Variants in TNFRSF18 observed in about 807,000 individuals in gnomAD.
The protein encoded by TNFRSF18 is tumor necrosis factor receptor superfamily member 18.
Under a neutral mutation model 30.2 loss-of-function variants are expected in TNFRSF18, and 36 were observed. That is an observed-to-expected ratio of 1.19 (90% CI 0.91 to 1.58). The LOEUF is 1.58. Among genes scored for constraint, TNFRSF18 ranks in the 40% most tolerant of loss-of-function variants. The pLI, the probability that TNFRSF18 is intolerant of heterozygous loss-of-function variation, is 0.00. For missense variants in TNFRSF18, 369 were observed against 345.4 expected (o/e 1.07, Z -0.54); for synonymous variants, 173 against 158.3 (o/e 1.09, Z -0.70).
Position 1,205,437 on chromosome 1 carries a change from G to A in TNFRSF18, c.243C>T (p.Cys81=), listed in dbSNP as rs377746476. The change falls in exon 2 of 5, where the codon TGC becomes TGT. Residue 81 remains cysteine, a synonymous_variant. Transcript: ENST00000379268. Reference sequence around the variant, plus strand: ...GGCAGGTCGTGCAGCAAGGGTCTCCGCAGTGGAATTCAGGCTGGACACACA... The same window carrying A: ...GGCAGGTCGTGCAGCAAGGGTCTCCACAGTGGAATTCAGGCTGGACACACA... The part of the protein sequence containing the change: ...DCMCVQPEFH[C]GDPCCTTCRH... 1.3e-5 allele frequency: 21 copies of A among 1,612,616 alleles called. 1 individual carries two copies. The highest frequency in any genetic ancestry group is 3.3e-4 in the Middle Eastern group (2 of 6,060).
At position 1,204,496 on chromosome 1, in the gene TNFRSF18, G is replaced by T; in HGVS notation, c.311-10C>A. 6.3e-7 allele frequency: 1 copy of T among 1,598,560 alleles called. No homozygotes were observed. Among genetic ancestry groups the T allele is most frequent in the Non-Finnish European group, 8.6e-7 (1 of 1,167,224 alleles). On this transcript the variant is annotated splice_polypyrimidine_tract_variant and intron_variant, in intron 2 of 4. Coordinates refer to ENST00000379268, the MANE Select transcript of TNFRSF18 (RefSeq NM_004195.3). ...CCAAAACTGAATTTCCCTGGTGTGG[G>T]GTGTGGGGGGAGGGAGGGAGGGAGG...
chr1:1,204,999 G>A (rs889819340), intron 2 of TNFRSF18, among the ~76,000 whole-genome samples: 1 of 152,184 alleles, frequency 6.6e-6, no homozygotes, highest in African/African-American at 2.4e-5. Context: ...AGAACAGGGT[G>A]CAGCCCCAGG....
Position 1,203,925 on chromosome 1 carries a change from G to A in TNFRSF18, c.645C>T (p.Ala215=). 1.2e-6 allele frequency: 2 copies of A among 1,607,926 alleles called. No homozygotes were observed. The highest frequency in any genetic ancestry group is 8.5e-7 in the Non-Finnish European group (1 of 1,179,544). The change falls in exon 5 of 5, where the codon GCC becomes GCT. Residue 215 remains alanine (A), a synonymous_variant. Transcript: ENST00000379268. ...LLEVPPSTED[A]RSCQFPEEER... is the part of the protein sequence containing the mutation. ...CTTCCTCGGGGAACTGGCAGCTTCT[G>A]GCGTCTTCGGTCGACGGCGGCACCT... is the stretch of plus-strand genomic sequence containing the variant.
chr1:1,204,591 C>A, intron 2 of TNFRSF18, 105 bp from the exon 3 acceptor site: 1 of 837,900 alleles, frequency 1.2e-6, no homozygotes, highest in Middle Eastern at 3.4e-4. Context: ...GGTCTGGGTG[C>A]TGAGTAGAAT....
intron 2 of TNFRSF18, 87 bp downstream of exon 2, chr1:1,205,283 C>T (rs1301390385): frequency 2.6e-6 from 4 of 1,543,104 alleles, no homozygotes; most frequent in African/African-American, 1.4e-5. Flanking sequence ...CATGTCCTCG[C>T]CGGACACCTG....
At chr1:1,206,067 G>A (rs983071612) in intron 1 of TNFRSF18, among the ~76,000 whole-genome samples, 6 of 152,182 alleles carry the variant, frequency 3.9e-5, no homozygotes, top group Non-Finnish European at 8.8e-5. Flanking sequence ...GGGGCTGGGC[G>A]ATGGCCAAGG....
Position 1,205,360 on chromosome 1 carries a change from C to T in TNFRSF18, c.310+10G>A, listed in dbSNP as rs1368929017. 6 of 1,610,194 alleles carry T rather than the reference C, an allele frequency of 3.7e-6. No individual in the cohort carries two copies. The highest frequency in any genetic ancestry group is 1.1e-5 in the South Asian group (1 of 90,528). On this transcript the variant is annotated intron_variant, in intron 2 of 4. Coordinates refer to ENST00000379268, the MANE Select transcript of TNFRSF18 (RefSeq NM_004195.3). ...CTGTGTGGACTCCCAGAGGCACCTCCAGGACTTACCCTGGGACTGTACCCC... is the reference window on the plus strand; with the variant it reads ...CTGTGTGGACTCCCAGAGGCACCTCTAGGACTTACCCTGGGACTGTACCCC...
chr1:1,205,089 T>G (rs570139560), intron 2 of TNFRSF18, among the ~76,000 whole-genome samples: 2 of 152,272 alleles, frequency 1.3e-5, no homozygotes, highest in Admixed American at 1.3e-4. Flanking sequence ...GTCCCGGGCC[T>G]GAGAGCCAGA....
At position 1,204,165 on chromosome 1, in the gene TNFRSF18, G is replaced by T. The variant is rs1439474160; in HGVS notation, c.470C>A (p.Ser157Tyr). Residue 157 changes from serine to tyrosine, a missense_variant, in exon 4 of 5, where the codon TCC becomes TAC. Physicochemically the swap from Ser to Tyr is moderately radical, Grantham distance 144. Transcript: ENST00000379268. ...CCACCCAAGCGGCTCTGCCGGCGGG[G>T]ACCCTGGGACGCACACAGCGTTGTG... ...KTHNAVCVPGSPPAEPLGWLT... is the reference protein window; with the variant it reads ...KTHNAVCVPGYPPAEPLGWLT... 3 of 1,612,114 alleles carry T rather than the reference G, an allele frequency of 1.9e-6. No individual in the cohort carries two copies. The highest frequency in any genetic ancestry group is 2.5e-6 in the Non-Finnish European group (3 of 1,179,678).
intron 1 of TNFRSF18, among the ~76,000 whole-genome samples, 197 bp downstream of exon 1, chr1:1,206,188 T>C (rs1053734892): frequency 2.6e-5 from 4 of 152,178 alleles, no homozygotes; most frequent in Non-Finnish European, 4.4e-5. Context: ...CCGGGGCCAC[T>C]GGCTGGAGCT....
rs374537135 is a variant in TNFRSF18 at position 1,204,416 on chromosome 1, G to A, written c.381C>T (p.His127=). The A allele has an allele frequency of 7.8e-5, 125 of 1,612,642 alleles. No individual in the cohort carries two copies. The Admixed American group carries it at 1.9e-3, about 25-fold the overall frequency. ...GGACTCACTCTGTCCAAGGTTTGCA[G>A]TGGCCTTCGTGGCCCCCGGAGAAGG... is the stretch of plus-strand genomic sequence containing the variant. ...SGTFSGGHEG[H]CKPWTDCTQF... Residue 127 remains histidine, a synonymous_variant, in exon 3 of 5, where the codon CAC becomes CAT. Coordinates refer to ENST00000379268, the MANE Select transcript of TNFRSF18 (RefSeq NM_004195.3).
chr1:1,205,462 A>C lies in TNFRSF18; in HGVS notation c.218T>G (p.Met73Arg). ...GCAGTGGAATTCAGGCTGGACACAC[A>C]TGCAGTCCCACTCGGAACAGCACTC... ...GEECCSEWDC[M>R]CVQPEFHCGD... The change falls in exon 2 of 5, where the codon ATG becomes AGG. Residue 73 changes from methionine (M) to arginine (R), a missense_variant. By Grantham distance (91) the Met-to-Arg change is moderately conservative. Coordinates refer to ENST00000379268, the MANE Select transcript of TNFRSF18 (RefSeq NM_004195.3). 1 of 1,612,478 alleles carries C rather than the reference A, an allele frequency of 6.2e-7. No individual in the cohort carries two copies.
chr1:1,206,258 G>C (rs1001870117), intron 1 of TNFRSF18, 127 bp downstream of exon 1: 1 of 1,092,248 alleles, frequency 9.2e-7, no homozygotes, highest in African/African-American at 1.7e-5. Context: ...CGCTGCTGGC[G>C]GCTCTGTGCC....
Position 1,203,869 on chromosome 1 carries a change from C to G in TNFRSF18, c.701G>C (p.Gly234Ala), listed in dbSNP as rs1265732475. Residue 234 changes from glycine to alanine, a missense_variant, in exon 5 of 5, where the codon GGG becomes GCG. Physicochemically the swap from Gly to Ala is moderately conservative, Grantham distance 60. Transcript: ENST00000379268. ...TCACACCCACAGGTCTCCCAGCCGC[C>G]CCTTCTCCTCTGCCGATCGCTCGCC... Reference protein sequence around the residue: ...ERGERSAEEKGRLGDLWV With the variant: ...ERGERSAEEKARLGDLWV 2 of 1,600,522 alleles carry G rather than the reference C, an allele frequency of 1.2e-6. No individual in the cohort carries two copies. The highest frequency in any genetic ancestry group is 2.2e-5 in the South Asian group (2 of 89,824).
Position 1,203,726 on chromosome 1 carries a change from C to T in TNFRSF18, c.*118G>A. Reference sequence around the variant, plus strand: ...GCTGGTCACTGCCACCTTCCTGCACCCACTTCTGCTGCCAGGGGAGCAGGG... The same window carrying T: ...GCTGGTCACTGCCACCTTCCTGCACTCACTTCTGCTGCCAGGGGAGCAGGG... On this transcript the variant is annotated 3_prime_UTR_variant, in exon 5 of 5. Transcript: ENST00000379268. 1 of 1,561,616 alleles carries T rather than the reference C, an allele frequency of 6.4e-7. No individual in the cohort carries two copies. Among genetic ancestry groups the T allele is most frequent in the East Asian group, 2.3e-5 (1 of 43,018 alleles).
At chr1:1,204,602 G>C (rs1057010877) in intron 2 of TNFRSF18, 116 bp from the exon 3 acceptor site, 2 of 751,072 alleles carry the variant, frequency 2.7e-6, no homozygotes, top group Non-Finnish European at 4.7e-6. Flanking sequence ...TGAGTAGAAT[G>C]CCCCCCCCAT....
At position 1,204,528 on chromosome 1, in the gene TNFRSF18, G is replaced by T. The variant is rs944598326; in HGVS notation, c.311-42C>A. 6 of 1,474,138 alleles carry T rather than the reference G, an allele frequency of 4.1e-6. No homozygotes were observed. In the African/African-American group the frequency reaches 6.9e-5, roughly 17 times the overall value. The allele number at this position is 1,474,138 out of a possible 1,614,324, so 91.3% of individuals were successfully genotyped here. Reference sequence around the variant, plus strand: ...GGGGAGGGAGGGAGGGAGGCTGGTGGAGTTGCTGGGATGGATGAGGAGGGC... The same window carrying T: ...GGGGAGGGAGGGAGGGAGGCTGGTGTAGTTGCTGGGATGGATGAGGAGGGC... On this transcript the variant is annotated intron_variant, in intron 2 of 4. Transcript: ENST00000379268.
chr1:1,206,293 C>A (rs1648822432), intron 1 of TNFRSF18, 92 bp downstream of exon 1: 4 of 1,430,866 alleles, frequency 2.8e-6, no homozygotes, highest in South Asian at 1.3e-5. Flanking sequence ...CTCAGCAACG[C>A]CGGTCTGAGC....
Position 1,204,768 on chromosome 1 carries a change from G to A in TNFRSF18, c.311-282C>T, listed in dbSNP as rs1358495533. Among the ~76,000 whole-genome samples the A allele has an allele frequency of 2.0e-5, 3 of 152,100 alleles. No homozygotes were observed. The East Asian group carries it at 5.8e-4, about 29-fold the overall frequency. Reference sequence around the variant, plus strand: ...GAGGGGAAAGGCCTGCCCATTGGGGGCTGAGGGTGGGCAGAAGCCAGGCAG... The same window carrying A: ...GAGGGGAAAGGCCTGCCCATTGGGGACTGAGGGTGGGCAGAAGCCAGGCAG... On this transcript the variant is annotated intron_variant, in intron 2 of 4. Coordinates refer to ENST00000379268, the MANE Select transcript of TNFRSF18 (RefSeq NM_004195.3).
Sources: allele counts gnomAD v4.1 joint callset (sites outside exome capture counted in the v4.1 genomes callset), GRCh38; gene constraint gnomAD v4.1.1; transcripts MANE v1.5; gene names NCBI Gene and HGNC (gene_info 2026-07-23, HGNC 2026-07-21).